The following ZNF143 variants were observed in gnomAD, a reference collection of about 807,000 sequenced individuals.
ZNF143 encodes the protein SPH-binding factor.
Under a neutral mutation model 74.1 loss-of-function variants are expected in ZNF143, and 49 were observed. The ratio of observed to expected loss-of-function variants is 0.66; its 90% CI spans 0.53 to 0.84. ZNF143 has a LOEUF of 0.84. Among genes scored for constraint, ZNF143 ranks in the 40% least tolerant of loss-of-function variants. ZNF143 has a pLI of 0.00. For missense variants in ZNF143, 637 were observed against 793.4 expected (o/e 0.80, Z 2.37); for synonymous variants, 304 against 282.8 (o/e 1.07, Z -0.75).
At chr11:9,491,476 AAC>A (rs1361646174) in intron 7 of ZNF143, among the ~76,000 whole-genome samples, 1 of 151,998 alleles carries the variant, frequency 6.6e-6, no homozygotes, top group Non-Finnish European at 1.5e-5. Flanking sequence ...CTCTACTAAA[AAC>A]ACACAAAAAA....
At chr11:9,499,685 C>T (rs1015844931) in intron 10 of ZNF143, among the ~76,000 whole-genome samples, 3 of 152,100 alleles carry the variant, frequency 2.0e-5, no homozygotes, top group African/African-American at 7.2e-5. Context: ...CACTGCATTC[C>T]AGCCTGAGCA....
rs903469547 is a variant in ZNF143, at chr11:9,471,473, G to GA, written c.112+61dup. On this transcript the variant is annotated intron_variant, in intron 2 of 15. Transcript: ENST00000396602. ...TTTGAAAATATCATTTATCTTAAAA[G>GA]AAAAAAAATTTACAACTTCCTAGTT... 95 of 1,355,696 alleles carry GA rather than the reference G, an allele frequency of 7.0e-5. 1 individual carries two copies. The highest frequency in any genetic ancestry group is 3.8e-4 in the Middle Eastern group (2 of 5,226). 84.0% of individuals were successfully genotyped at this position (1,355,696 alleles called of 1,614,324 possible).
intron 1 of ZNF143, 30 bp downstream of exon 1, chr11:9,461,106 G>A (rs1855787980): frequency 1.0e-6 from 1 of 985,286 alleles, no homozygotes; most frequent in South Asian, 4.7e-5. Flanking sequence ...TTTACCCAGT[G>A]TGCATTATTC....
intron 12 of ZNF143, 98 bp from the exon 13 acceptor site, chr11:9,512,350 A>C (rs903339093): frequency 3.4e-6 from 5 of 1,454,362 alleles, no homozygotes; most frequent in East Asian, 4.8e-5. Flanking sequence ...ATACATGTAC[A>C]TTTTAATTAT....
intron 14 of ZNF143, among the ~76,000 whole-genome samples, chr11:9,522,866 G>T (rs1370885716): frequency 1.3e-5 from 2 of 149,976 alleles, no homozygotes; most frequent in African/African-American, 5.0e-5. Context: ...CTTTGACCTG[G>T]TTCTCCTCCC....
intron 1 of ZNF143, among the ~76,000 whole-genome samples, chr11:9,468,469 G>GAACT (rs1250780886): frequency 6.6e-6 from 1 of 152,104 alleles, no homozygotes; most frequent in African/African-American, 2.4e-5. Context: ...AATAGTCCTG[G>GAACT]AACTGCACAA....
intron 15 of ZNF143, among the ~76,000 whole-genome samples, chr11:9,526,459 A>C (rs1006052101): frequency 6.6e-6 from 1 of 152,154 alleles, no homozygotes; most frequent in Non-Finnish European, 1.5e-5. Flanking sequence ...CTTGATAAAG[A>C]GTTAGAACAC....
At chr11:9,477,641 G>A (rs914881140) in intron 5 of ZNF143, among the ~76,000 whole-genome samples, 6 of 151,750 alleles carry the variant, frequency 4.0e-5, no homozygotes, top group Admixed American at 1.3e-4. Context: ...TATATATATC[G>A]ATATAAAATC....
chr11:9,491,935 A>G (rs1158797508), intron 7 of ZNF143, among the ~76,000 whole-genome samples: 1 of 151,528 alleles, frequency 6.6e-6, no homozygotes, highest in Non-Finnish European at 1.5e-5. Flanking sequence ...CAGCCTACAT[A>G]CTATTTATTT....
chr11:9,526,484 C>T (rs1849131969), intron 15 of ZNF143, among the ~76,000 whole-genome samples: 1 of 152,122 alleles, frequency 6.6e-6, no homozygotes, highest in African/African-American at 2.4e-5. Context: ...CAGGAAATGT[C>T]AGCTGTTGGC....
At position 9,522,812 on chromosome 11, in the gene ZNF143, A is replaced by G. The variant is rs191576143; in HGVS notation, c.1687-2428A>G. Among the ~76,000 whole-genome samples the G allele has an allele frequency of 6.7e-4, 102 of 151,574 alleles. 1 individual carries two copies. Among genetic ancestry groups the G allele is most frequent in the South Asian group, 6.2e-4 (3 of 4,812 alleles). On this transcript the variant is annotated intron_variant, in intron 14 of 15. Coordinates refer to ENST00000396602, the MANE Select transcript of ZNF143 (RefSeq NM_003442.6). Reference sequence around the variant, plus strand: ...CCTGGCCTATTTGGGGTTTTTAACAATCTTTCTCAAGGTTCTTCAGATGGA... The same window carrying G: ...CCTGGCCTATTTGGGGTTTTTAACAGTCTTTCTCAAGGTTCTTCAGATGGA...
chr11:9,476,865 T>G (rs1338612957), intron 5 of ZNF143, among the ~76,000 whole-genome samples: 1 of 138,734 alleles, frequency 7.2e-6, no homozygotes, highest in East Asian at 2.4e-4. Context: ...GTTCACACCA[T>G]TCTCCTGCCT....
rs1848553456 is a variant in ZNF143, at chr11:9,511,696, C to T, written c.1376-752C>T. Reference sequence around the variant, plus strand: ...CAGGTGATCTGCCCACCTTGGCTTCCCAAAGTACTGACTGGGATTACAGGT... The same window carrying T: ...CAGGTGATCTGCCCACCTTGGCTTCTCAAAGTACTGACTGGGATTACAGGT... On this transcript the variant is annotated intron_variant, in intron 12 of 15. Transcript: ENST00000396602. Among the ~76,000 whole-genome samples the T allele has an allele frequency of 2.6e-5, 4 of 151,932 alleles. No homozygotes were observed. In the South Asian group the frequency reaches 8.3e-4, roughly 32 times the overall value.
chr11:9,515,914 GT>G (rs1848707489), intron 13 of ZNF143, among the ~76,000 whole-genome samples: 1 of 151,942 alleles, frequency 6.6e-6, no homozygotes, highest in South Asian at 2.1e-4. Flanking sequence ...GAACCCAGGA[GT>G]TTTAGACTTC....
At chr11:9,471,186 C>A in intron 1 of ZNF143, 116 bp from the exon 2 acceptor site, 2 of 815,472 alleles carry the variant, frequency 2.5e-6, no homozygotes, top group Non-Finnish European at 3.8e-6. Flanking sequence ...GAAATTTCAT[C>A]TTATTTCCAA....
At chr11:9,471,565 G>A in intron 2 of ZNF143, 145 bp downstream of exon 2, 1 of 488,536 alleles carries the variant, frequency 2.0e-6, no homozygotes, top group Non-Finnish European at 3.4e-6. Flanking sequence ...TTTTTTTTTT[G>A]AAACGGGACG....
At position 9,508,656 on chromosome 11, in the gene ZNF143, C is replaced by T. The variant is rs763550105; in HGVS notation, c.1185C>T (p.Asp395=). The change falls in exon 12 of 16, where the codon GAC becomes GAT. Residue 395 remains aspartate, a synonymous_variant. Coordinates refer to ENST00000396602, the MANE Select transcript of ZNF143 (RefSeq NM_003442.6). Reference sequence around the variant, plus strand: ...ATGTTTGTACAGTTCCTGGGTGTGACAAAAGGTTTACAGAATATTCCAGTT... The same window carrying T: ...ATGTTTGTACAGTTCCTGGGTGTGATAAAAGGTTTACAGAATATTCCAGTT... ...KPYVCTVPGC[D]KRFTEYSSLY... The T allele has an allele frequency of 2.5e-6, 4 of 1,613,584 alleles. No individual in the cohort carries two copies. Among genetic ancestry groups the T allele is most frequent in the Non-Finnish European group, 3.4e-6 (4 of 1,180,024 alleles).
chr11:9,514,438 A>G (rs917125512), intron 13 of ZNF143, among the ~76,000 whole-genome samples: 21 of 152,230 alleles, frequency 1.4e-4, no homozygotes, highest in African/African-American at 4.8e-4. Flanking sequence ...CATTTTGGTC[A>G]GTGGACTTAG....
intron 3 of ZNF143, among the ~76,000 whole-genome samples, chr11:9,473,285 G>C (rs1856690658): frequency 6.6e-6 from 1 of 151,880 alleles, no homozygotes; most frequent in African/African-American, 2.4e-5. Context: ...CAGCTACTCA[G>C]GAGGCTGAGG....
Sources: allele counts gnomAD v4.1 joint callset (sites outside exome capture counted in the v4.1 genomes callset), GRCh38; gene constraint gnomAD v4.1.1; transcripts MANE v1.5; gene names NCBI Gene and HGNC (gene_info 2026-07-23, HGNC 2026-07-21).